SERGEF: variants seen among roughly 807,000 people sequenced by gnomAD.
The protein encoded by SERGEF is secretion regulating guanine nucleotide exchange factor.
Under a neutral mutation model 50.0 loss-of-function variants are expected in SERGEF, and 51 were observed. The observed-to-expected ratio is 1.02, with a 90% CI of 0.81 to 1.29. The LOEUF (loss-of-function observed/expected upper bound fraction) is 1.29, where lower values mean the gene tolerates loss of function less well. Among genes scored for constraint, SERGEF ranks in the 50% most tolerant of loss-of-function variants. SERGEF has a pLI of 0.00. For missense variants in SERGEF, 521 were observed against 557.0 expected (o/e 0.94, Z 0.65); for synonymous variants, 205 against 212.4 (o/e 0.97, Z 0.30).
intron 8 of SERGEF, among the ~76,000 whole-genome samples, chr11:17,967,655 G>A (rs1164204714): frequency 6.6e-6 from 1 of 152,230 alleles, no homozygotes; most frequent in Non-Finnish European, 1.5e-5. Flanking sequence ...AAGGAGTCAG[G>A]CTGGTTTCTT....
intron 10 of SERGEF, among the ~76,000 whole-genome samples, chr11:17,842,843 GA>G (rs1414782203): frequency 6.6e-6 from 1 of 152,226 alleles, no homozygotes; most frequent in Non-Finnish European, 1.5e-5. Flanking sequence ...GACTTGGTTT[GA>G]AAGAGAGACT....
At position 18,007,983 on chromosome 11, in the gene SERGEF, T is replaced by G. The variant is rs1590250759; in HGVS notation, c.154A>C (p.Arg52=). The change falls in exon 2 of 11, where the codon AGG becomes CGG. Residue 52 remains arginine, a synonymous_variant. Transcript: ENST00000265965. ...LNDFCKPRSV[R]RITGGGGHSA... is the part of the protein sequence containing the mutation. The stretch of plus-strand genomic sequence containing the variant: ...TGGCCCCCTCCTCCTGTGATCCTCC[T>G]GACACTCCTGGGTTTACAGAAGTCA... The G allele has an allele frequency of 6.2e-7, 1 of 1,613,924 alleles. No homozygotes were observed. Among genetic ancestry groups the G allele is most frequent in the Admixed American group, 1.7e-5 (1 of 59,996 alleles).
At chr11:17,999,269 A>G (rs1565227380) in intron 5 of SERGEF, among the ~76,000 whole-genome samples, 1 of 152,184 alleles carries the variant, frequency 6.6e-6, no homozygotes, top group African/African-American at 2.4e-5. Context: ...GAACTGTTCT[A>G]TATCTTGACT....
chr11:17,886,907 C>T (rs1055935980), intron 9 of SERGEF, among the ~76,000 whole-genome samples: 30 of 152,124 alleles, frequency 2.0e-4, no homozygotes, highest in African/African-American at 7.0e-4. Context: ...TGGATGGACA[C>T]CTGTCTCAAT....
intron 8 of SERGEF, among the ~76,000 whole-genome samples, chr11:17,981,960 C>A (rs1853504077): frequency 6.6e-6 from 1 of 152,082 alleles, no homozygotes; most frequent in Admixed American, 6.6e-5. Context: ...ACCACCACAC[C>A]CAGATAATTT....
At chr11:18,008,317 C>A (rs1854125848) in intron 1 of SERGEF, among the ~76,000 whole-genome samples, 1 of 152,212 alleles carries the variant, frequency 6.6e-6, no homozygotes, top group South Asian at 2.1e-4. Flanking sequence ...TGTCTCCCCA[C>A]CCCTGATCTG....
chr11:17,802,568 T>C (rs1265271086), intron 10 of SERGEF, among the ~76,000 whole-genome samples: 1 of 152,194 alleles, frequency 6.6e-6, no homozygotes, highest in Non-Finnish European at 1.5e-5. Flanking sequence ...TGATCCCAGC[T>C]ACCTCTCTGA....
chr11:17,867,793 G>T (rs1440039345), intron 10 of SERGEF, among the ~76,000 whole-genome samples: 2 of 152,176 alleles, frequency 1.3e-5, no homozygotes, highest in African/African-American at 4.8e-5. Context: ...TCTTGACTTT[G>T]GTGCACTCGC....
intron 9 of SERGEF, among the ~76,000 whole-genome samples, chr11:17,911,587 A>G (rs1225638690): frequency 2.0e-5 from 3 of 151,726 alleles, no homozygotes; most frequent in South Asian, 2.1e-4. Flanking sequence ...TCCCAGGCTC[A>G]AGTGATCCTC....
intron 9 of SERGEF, among the ~76,000 whole-genome samples, chr11:17,948,054 C>T (rs1852700800): frequency 6.6e-6 from 1 of 151,660 alleles, no homozygotes; most frequent in South Asian, 2.1e-4. Context: ...CCAGCTCAGC[C>T]TCCCAAGAGG....
chr11:17,920,923 G>A (rs974050801), intron 9 of SERGEF, among the ~76,000 whole-genome samples: 14 of 152,196 alleles, frequency 9.2e-5, no homozygotes, highest in Admixed American at 3.3e-4. Flanking sequence ...CAGCTGCCTA[G>A]ATTGTCAAAT....
chr11:17,802,194 C>T (rs1849682840), intron 10 of SERGEF, among the ~76,000 whole-genome samples: 1 of 152,186 alleles, frequency 6.6e-6, no homozygotes, highest in African/African-American at 2.4e-5. Context: ...TTGCATGAGA[C>T]CCTGCAGCCA....
At chr11:17,990,713 T>C (rs557926487) in intron 7 of SERGEF, among the ~76,000 whole-genome samples, 11 of 152,228 alleles carry the variant, frequency 7.2e-5, no homozygotes, top group South Asian at 6.2e-4. Flanking sequence ...CTAAAGAGCA[T>C]TGAACAAAAT....
intron 10 of SERGEF, among the ~76,000 whole-genome samples, chr11:17,830,685 A>AGAGGGAGAGAGC (rs540825238): frequency 8.4e-6 from 1 of 118,884 alleles, no homozygotes; most frequent in Non-Finnish European, 1.8e-5. Context: ...AGAGAGAGAG[A>AGAGGGAGAGAGC]GAGCACATGT....
chr11:17,993,001 A>G lies in SERGEF; in HGVS notation c.623-8T>C, dbSNP rs1853751673. Reference sequence around the variant, plus strand: ...CTTTAGAATTCTCTAGACCTACAAAAGAAAAAATGTTCTTCTGAATTACAT... The same window carrying G: ...CTTTAGAATTCTCTAGACCTACAAAGGAAAAAATGTTCTTCTGAATTACAT... On this transcript the variant is annotated splice_polypyrimidine_tract_variant and splice_region_variant and intron_variant, in intron 6 of 10. Coordinates refer to ENST00000265965, the MANE Select transcript of SERGEF (RefSeq NM_012139.4). 1 of 1,612,992 alleles carries G rather than the reference A, an allele frequency of 6.2e-7. No individual in the cohort carries two copies. Among genetic ancestry groups the G allele is most frequent in the Middle Eastern group, 1.6e-4 (1 of 6,062 alleles).
At chr11:17,789,343 C>T (rs1849440142) in intron 10 of SERGEF, among the ~76,000 whole-genome samples, 2 of 152,202 alleles carry the variant, frequency 1.3e-5, no homozygotes, top group African/African-American at 2.4e-5. Context: ...AGGGAAGAAG[C>T]GTGTATACTT....
chr11:17,999,453 C>T (rs893355906), intron 5 of SERGEF: 1 of 356,768 alleles, frequency 2.8e-6, no homozygotes, highest in African/African-American at 2.2e-5. Context: ...AATGCTAAGC[C>T]CAGGACTATC....
chr11:18,012,915 C>G (rs1854229370), intron 1 of SERGEF, 36 bp downstream of exon 1: 2 of 1,535,558 alleles, frequency 1.3e-6, no homozygotes, highest in Non-Finnish European at 1.7e-6. Flanking sequence ...CGGCGCCCCT[C>G]AGGGCCTGCA....
chr11:18,004,328 T>G, intron 4 of SERGEF, 113 bp downstream of exon 4: 2 of 686,286 alleles, frequency 2.9e-6, no homozygotes, highest in South Asian at 4.5e-5. Context: ...CAAATTCTCC[T>G]ACTCCATGGG....
Sources: allele counts gnomAD v4.1 joint callset (sites outside exome capture counted in the v4.1 genomes callset), GRCh38; gene constraint gnomAD v4.1.1; transcripts MANE v1.5; gene names NCBI Gene and HGNC (gene_info 2026-07-23, HGNC 2026-07-21).